Variants in CNIH3 observed in about 807,000 individuals in gnomAD.
CNIH3 encodes protein cornichon homolog 3.
Under a neutral mutation model 24.1 loss-of-function variants are expected in CNIH3, and 14 were observed. The observed-to-expected ratio is 0.58, with a 90% CI of 0.38 to 0.91. The LOEUF (loss-of-function observed/expected upper bound fraction) is 0.91. Among genes scored for constraint, CNIH3 ranks in the 40% least tolerant of loss-of-function variants. The pLI is 0.00. For missense variants in CNIH3, 178 were observed against 196.8 expected (o/e 0.90, Z 0.57); for synonymous variants, 68 against 73.8 (o/e 0.92, Z 0.40).
intron 1 of CNIH3, among the ~76,000 whole-genome samples, chr1:224,470,722 C>T (rs1165262119): frequency 1.3e-5 from 2 of 150,808 alleles, no homozygotes; most frequent in Non-Finnish European, 3.0e-5. Flanking sequence ...TCTCCCAAAG[C>T]GCTGGGTTTA....
chr1:224,668,822 G>A (rs1453488706), intron 1 of CNIH3, among the ~76,000 whole-genome samples: 2 of 152,004 alleles, frequency 1.3e-5, no homozygotes, highest in Non-Finnish European at 2.9e-5. Flanking sequence ...CTGGGGCTGG[G>A]GGTGATTACC....
At chr1:224,476,751 C>A (rs568718680) in intron 1 of CNIH3, among the ~76,000 whole-genome samples, 1 of 151,926 alleles carries the variant, frequency 6.6e-6, no homozygotes, top group Non-Finnish European at 1.5e-5. Context: ...AGAGTCAATG[C>A]AATCTCTATC....
intron 1 of CNIH3, among the ~76,000 whole-genome samples, chr1:224,505,032 C>CCCTTCCTTCCTTCCTTCCTT (rs1181782404): frequency 1.4e-3 from 62 of 45,874 alleles, no homozygotes; most frequent in African/African-American, 4.4e-3. Flanking sequence ...CTCCCTCCCT[C>CCCTTCCTTCCTTCCTTCCTT]CCTTCCTTCC....
intron 3 of CNIH3, among the ~76,000 whole-genome samples, chr1:224,610,377 G>A (rs1448532389): frequency 5.3e-5 from 8 of 152,194 alleles, no homozygotes; most frequent in African/African-American, 1.4e-4. Flanking sequence ...ACTGGATCAC[G>A]GGGGTGGTTT....
intron 4 of CNIH3, 76 bp from the exon 5 acceptor site, chr1:224,734,487 T>C: frequency 6.7e-7 from 1 of 1,483,708 alleles, no homozygotes; most frequent in Non-Finnish European, 9.3e-7. Context: ...ACAGAAGCCC[T>C]GCATCGGAAG....
At chr1:224,493,048 T>C (rs1572354384) in intron 1 of CNIH3, among the ~76,000 whole-genome samples, 2 of 152,118 alleles carry the variant, frequency 1.3e-5, no homozygotes, top group Non-Finnish European at 2.9e-5. Context: ...CCCTGGAGAG[T>C]GAGGGCATTG....
At chr1:224,463,042 C>T (rs1018156504) in intron 1 of CNIH3, among the ~76,000 whole-genome samples, 10 of 150,836 alleles carry the variant, frequency 6.6e-5, no homozygotes, top group Admixed American at 5.9e-4. Flanking sequence ...GGACTACAGG[C>T]GTGTGCCACC....
At chr1:224,554,814 TG>T (rs1473669497) in intron 3 of CNIH3, among the ~76,000 whole-genome samples, 1 of 152,148 alleles carries the variant, frequency 6.6e-6, no homozygotes, top group East Asian at 1.9e-4. Flanking sequence ...CTTTAACCCC[TG>T]GGCTCAAGTG....
chr1:224,646,563 G>A (rs747919915), intron 1 of CNIH3, among the ~76,000 whole-genome samples: 4 of 151,970 alleles, frequency 2.6e-5, no homozygotes, highest in Non-Finnish European at 5.9e-5. Context: ...GTGCCTCCAC[G>A]CCCAGCTAAT....
At chr1:224,700,197 G>A (rs1572750808) in intron 3 of CNIH3, among the ~76,000 whole-genome samples, 1 of 152,274 alleles carries the variant, frequency 6.6e-6, no homozygotes. Flanking sequence ...TGCTAGCTCT[G>A]GGTCTCTTCT....
rs76007377 is a variant in CNIH3 at position 224,676,388 on chromosome 1, G to C, written c.82-4570G>C. ...GGGGGTGTTGCAGGAGGGAATTTTGGGGTGATAGAACTGTTCTGTGTCTTG... is the reference window on the plus strand; with the variant it reads ...GGGGGTGTTGCAGGAGGGAATTTTGCGGTGATAGAACTGTTCTGTGTCTTG... On this transcript the variant is annotated intron_variant, in intron 1 of 5. Coordinates refer to ENST00000272133, the MANE Select transcript of CNIH3 (RefSeq NM_152495.2). Among the ~76,000 whole-genome samples, 396 of 152,214 alleles carry C rather than the reference G, an allele frequency of 2.6e-3. 2 individuals are homozygous for C. The highest frequency in any genetic ancestry group is 6.8e-3 in the Middle Eastern group (2 of 294).
At chr1:224,683,485 A>C (rs906825222) in intron 2 of CNIH3, among the ~76,000 whole-genome samples, 23 of 152,232 alleles carry the variant, frequency 1.5e-4, no homozygotes, top group African/African-American at 5.5e-4. Flanking sequence ...TTTCAGACTC[A>C]GGTGGCTTAA....
intron 3 of CNIH3, among the ~76,000 whole-genome samples, chr1:224,687,683 C>T (rs1686726912): frequency 6.6e-6 from 1 of 152,164 alleles, no homozygotes; most frequent in Admixed American, 6.5e-5. Context: ...ACAGGACCAC[C>T]AGCTTCGTAC....
At chr1:224,696,202 A>G (rs138489342) in intron 3 of CNIH3, among the ~76,000 whole-genome samples, 1 of 152,304 alleles carries the variant, frequency 6.6e-6, no homozygotes, top group African/African-American at 2.4e-5. Flanking sequence ...TTCCTTGTCC[A>G]TGTGGACCAT....
chr1:224,674,625 G>T (rs957095260), intron 1 of CNIH3, among the ~76,000 whole-genome samples: 8 of 152,090 alleles, frequency 5.3e-5, no homozygotes, highest in Non-Finnish European at 1.0e-4. Flanking sequence ...GGAACAGGGA[G>T]GGGCAATAGG....
At chr1:224,620,727 C>T (rs1423074718) in intron 1 of CNIH3, among the ~76,000 whole-genome samples, 1 of 152,084 alleles carries the variant, frequency 6.6e-6, no homozygotes, top group Non-Finnish European at 1.5e-5. Flanking sequence ...TGGCCGGGCT[C>T]AGTGGCTCAT....
chr1:224,693,104 T>A (rs16851979), intron 3 of CNIH3, among the ~76,000 whole-genome samples: 3,117 of 152,334 alleles, frequency 0.02, 76 homozygotes, highest in African/African-American at 0.055. Context: ...CCATGTCTCA[T>A]GTATAATTTA....
Position 224,465,766 on chromosome 1 carries a change from G to A in CNIH3, n.203+30904G>A, listed in dbSNP as rs374409407. ...AAATTGGGCGGGTGCTGTGGCTCAC[G>A]CCTGTAACCACAGCACTTTGGGAGG... On this transcript the variant is annotated intron_variant and non_coding_transcript_variant, in intron 1 of 5. Coordinates refer to the CNIH3 transcript ENST00000471578. 2.9e-3 allele frequency among the ~76,000 whole-genome samples: 435 copies of A among 152,198 alleles called. 2 individuals are homozygous for A. Among genetic ancestry groups the A allele is most frequent in the South Asian group, 0.018 (89 of 4,822 alleles).
At chr1:224,580,681 G>A (rs867963323) in intron 4 of CNIH3, among the ~76,000 whole-genome samples, 1 of 151,990 alleles carries the variant, frequency 6.6e-6, no homozygotes, top group African/African-American at 2.4e-5. Context: ...ACAAAAATTA[G>A]CCAGGCATGG....
Sources: allele counts gnomAD v4.1 joint callset (sites outside exome capture counted in the v4.1 genomes callset), GRCh38; gene constraint gnomAD v4.1.1; transcripts MANE v1.5; gene names NCBI Gene and HGNC (gene_info 2026-07-23, HGNC 2026-07-21).